SEMA3C: variants seen among roughly 807,000 people sequenced by gnomAD.
SEMA3C encodes semaphorin 3C.
A neutral mutation model predicts 89.4 loss-of-function variants in SEMA3C; 47 were observed. The observed-to-expected ratio is 0.53, with a 90% confidence interval of 0.42 to 0.67. The LOEUF is 0.67. Ranked by LOEUF, SEMA3C falls within the 30% of genes least tolerant of loss-of-function variation. The probability of loss-of-function intolerance (pLI) is 0.00; values close to 1 mark genes in which losing one functional copy is unlikely to be tolerated. For synonymous variants in SEMA3C, 310 were observed against 320.2 expected (o/e 0.97, Z 0.34); for missense variants, 839 against 929.1 (o/e 0.90, Z 1.26).
At chr7:80,853,892 A>ATGTG (rs113692755) in intron 2 of SEMA3C, among the ~76,000 whole-genome samples, 2,844 of 148,946 alleles carry the variant, frequency 0.019, 65 homozygotes, top group African/African-American at 0.062. Flanking sequence ...CCCCATATAT[A>ATGTG]TGTGTGTGTG....
intron 2 of SEMA3C, among the ~76,000 whole-genome samples, chr7:80,842,233 T>C (rs574038800): frequency 1.3e-5 from 2 of 152,284 alleles, no homozygotes; most frequent in South Asian, 2.1e-4. Flanking sequence ...ATATACACAA[T>C]GGCTTTTCAA....
At chr7:80,796,686 T>C (rs1203845393) in intron 11 of SEMA3C, 1 of 152,240 alleles carries the variant, frequency 6.6e-6, no homozygotes, top group Non-Finnish European at 1.5e-5. Flanking sequence ...AGGACTTTGT[T>C]GTCACTTATA....
chr7:80,845,062 C>T (rs1343181000), intron 2 of SEMA3C, among the ~76,000 whole-genome samples: 1 of 152,106 alleles, frequency 6.6e-6, no homozygotes, highest in South Asian at 2.1e-4. Context: ...TGTTGAATCT[C>T]CAGCAGGGCC....
intron 11 of SEMA3C, 41 bp downstream of exon 11, chr7:80,798,051 T>C: frequency 6.4e-7 from 1 of 1,567,636 alleles, no homozygotes; most frequent in Non-Finnish European, 8.6e-7. Context: ...AAATGAGTTT[T>C]TATAAAGCAT....
chr7:80,831,501 G>A (rs565312749), intron 2 of SEMA3C, among the ~76,000 whole-genome samples: 6 of 152,134 alleles, frequency 3.9e-5, no homozygotes, highest in African/African-American at 1.4e-4. Flanking sequence ...TATGCAGGGA[G>A]GATAAAAATG....
upstream of SEMA3C, among the ~76,000 whole-genome samples, chr7:80,919,584 G>GT (rs1279303316): frequency 1.3e-5 from 2 of 149,012 alleles, no homozygotes; most frequent in Admixed American, 6.7e-5. Flanking sequence ...TTTGTTTTTT[G>GT]TTTTTTGTTT....
chr7:80,795,326 C>T (rs1789036143), intron 11 of SEMA3C, among the ~76,000 whole-genome samples: 1 of 152,126 alleles, frequency 6.6e-6, no homozygotes, highest in African/African-American at 2.4e-5. Flanking sequence ...AGGAGGAGTT[C>T]CAAAGGTCAC....
rs148125357 is a variant in SEMA3C, at chr7:80,897,032, G to A, written c.103+19647C>T. On this transcript the variant is annotated intron_variant, in intron 2 of 17. Coordinates refer to ENST00000265361, the MANE Select transcript of SEMA3C (RefSeq NM_006379.5). The stretch of plus-strand genomic sequence containing the variant: ...TGTGGGGGCAGGTAGGCGCCGGAGA[G>A]CATGGGGCTGTGGGATGGGCCAGCA... Among the ~76,000 whole-genome samples, 102 of 152,318 alleles carry A rather than the reference G, an allele frequency of 6.7e-4. 1 individual carries two copies. The highest frequency in any genetic ancestry group is 2.4e-3 in the African/African-American group (98 of 41,576).
chr7:80,817,095 C>T (rs564882006), intron 5 of SEMA3C, among the ~76,000 whole-genome samples: 121 of 152,134 alleles, frequency 8.0e-4, no homozygotes, highest in Non-Finnish European at 1.4e-3. Context: ...TGTATTCTTC[C>T]AAAAAGCATA....
rs1207582318 is a variant in SEMA3C, at chr7:80,748,936, T to C, written c.1804A>G (p.Lys602Glu). 3 of 1,613,346 alleles carry C rather than the reference T, an allele frequency of 1.9e-6. No individual in the cohort carries two copies. The highest frequency in any genetic ancestry group is 2.5e-6 in the Non-Finnish European group (3 of 1,179,610). Reference sequence around the variant, plus strand: ...TCTTTGTCTTTCTGTAACAGCCACTTGATAGATGCCTGCGGAGACTTGGGG... The same window carrying C: ...TCTTTGTCTTTCTGTAACAGCCACTCGATAGATGCCTGCGGAGACTTGGGG... ...CAPKSPQASI[K>E]WLLQKDKDRR... The change falls in exon 17 of 18, where the codon AAG (lysine) becomes GAG (glutamate). Residue 602 changes from lysine to glutamate, a missense_variant. By Grantham distance (56) the Lys-to-Glu change is moderately conservative. Transcript: ENST00000265361.
chr7:80,746,748 G>GTGTGTGTGTGTGT (rs1173019981), intron 17 of SEMA3C, among the ~76,000 whole-genome samples: 1 of 16,102 alleles, frequency 6.2e-5, no homozygotes, highest in South Asian at 2.2e-3. Flanking sequence ...TGTGTGTGTG[G>GTGTGTGTGTGTGT]AGGGGAGGAA....
At chr7:80,883,758 A>C (rs1791407596) in intron 2 of SEMA3C, among the ~76,000 whole-genome samples, 1 of 152,248 alleles carries the variant, frequency 6.6e-6, no homozygotes. Context: ...CAGAGTATCA[A>C]AGCACATCTT....
rs1787718749 is a variant in SEMA3C at position 80,743,101 on chromosome 7, CTG to C, written c.*1791_*1792del. 6.6e-6 allele frequency: 1 copy of C among 151,850 alleles called. No individual in the cohort carries two copies. The highest frequency in any genetic ancestry group is 2.1e-4 in the South Asian group (1 of 4,828). The allele number at this position is 151,850 out of a possible 1,614,324, so 9.4% of individuals were successfully genotyped here. On this transcript the variant is annotated 3_prime_UTR_variant, in exon 18 of 18. Coordinates refer to ENST00000265361, the MANE Select transcript of SEMA3C (RefSeq NM_006379.5). Reference sequence around the variant, plus strand: ...GTTTTGGCTTTACATTGACACATTTCTGTGTGTCAATGTAGAAGAGAAAAGAA... The same window carrying C: ...GTTTTGGCTTTACATTGACACATTTCTGTGTCAATGTAGAAGAGAAAAGAA...
intron 7 of SEMA3C, 107 bp from the exon 8 acceptor site, chr7:80,804,355 A>G: frequency 1.5e-6 from 1 of 665,494 alleles, no homozygotes; most frequent in East Asian, 3.2e-5. Flanking sequence ...GTAGAAAAAA[A>G]CAATTCAACA....
chr7:80,801,972 C>G (rs1317610438), intron 9 of SEMA3C, among the ~76,000 whole-genome samples: 1 of 151,994 alleles, frequency 6.6e-6, no homozygotes, highest in Non-Finnish European at 1.5e-5. Context: ...TCACCTGTCT[C>G]AAAATCTGAG....
At chr7:80,846,074 T>C (rs1311268099) in intron 2 of SEMA3C, among the ~76,000 whole-genome samples, 1 of 152,196 alleles carries the variant, frequency 6.6e-6, no homozygotes, top group East Asian at 1.9e-4. Context: ...ACTGATATTC[T>C]GAAATTCATT....
In SEMA3C at chr7:80,798,239, A is replaced by G. The variant is rs1364062314; in HGVS notation, c.987-3T>C. On this transcript the variant is annotated splice_region_variant and splice_polypyrimidine_tract_variant and intron_variant, in intron 10 of 17. Coordinates refer to ENST00000265361, the MANE Select transcript of SEMA3C (RefSeq NM_006379.5). ...CGGCTGATCCTTTGAAAACTGAGCTAAAAAAGAAAACAGAAAAAGGCATTT... is the reference window on the plus strand; with the variant it reads ...CGGCTGATCCTTTGAAAACTGAGCTGAAAAAGAAAACAGAAAAAGGCATTT... 1 of 1,427,198 alleles carries G rather than the reference A, an allele frequency of 7.0e-7. No homozygotes were observed. The highest frequency in any genetic ancestry group is 9.2e-7 in the Non-Finnish European group (1 of 1,084,806). 88.4% of individuals were successfully genotyped at this position (1,427,198 alleles called of 1,614,324 possible).
intron 12 of SEMA3C, among the ~76,000 whole-genome samples, chr7:80,786,763 T>G (rs1326757893): frequency 6.6e-6 from 1 of 152,218 alleles, no homozygotes; most frequent in Non-Finnish European, 1.5e-5. Flanking sequence ...TGACAAATAT[T>G]TATTGAGTTT....
At chr7:80,780,008 A>C (rs1157565481) in intron 12 of SEMA3C, among the ~76,000 whole-genome samples, 1 of 152,174 alleles carries the variant, frequency 6.6e-6, no homozygotes, top group African/African-American at 2.4e-5. Context: ...CTTGAACTTT[A>C]AAAAACAATG....
Sources: allele counts gnomAD v4.1 joint callset (sites outside exome capture counted in the v4.1 genomes callset), GRCh38; gene constraint gnomAD v4.1.1; transcripts MANE v1.5; gene names NCBI Gene and HGNC (gene_info 2026-07-23, HGNC 2026-07-21).